Variants in DPP6 observed in about 807,000 individuals in gnomAD.
DPP6 encodes the protein A-type potassium channel modulatory protein DPP6.
A neutral mutation model predicts 122.6 loss-of-function variants in DPP6; 69 were observed. The observed-to-expected ratio is 0.56, with a 90% confidence interval of 0.46 to 0.69. DPP6 has a LOEUF of 0.69. Ranked by LOEUF, DPP6 falls within the 30% of genes least tolerant of loss-of-function variation. The probability of loss-of-function intolerance (pLI) is 0.00; values close to 1 mark genes in which losing one functional copy is unlikely to be tolerated. For missense variants in DPP6, 928 were observed against 1,116.9 expected, an observed-to-expected ratio of 0.83 and a Z score of 2.41; for synonymous variants, 418 against 433.1, an observed-to-expected ratio of 0.97 and a Z score of 0.43.
intron 1 of DPP6, among the ~76,000 whole-genome samples, chr7:154,435,402 G>A (rs375070989): frequency 6.6e-6 from 1 of 152,110 alleles, no homozygotes; most frequent in Non-Finnish European, 1.5e-5. Context: ...TGACCTCATC[G>A]GATCCTCTTT....
At chr7:153,993,233 GT>G (rs1407401167) in intron 1 of DPP6, among the ~76,000 whole-genome samples, 2 of 152,190 alleles carry the variant, frequency 1.3e-5, no homozygotes, top group African/African-American at 4.8e-5. Context: ...GGTTTCAAGA[GT>G]GCTGATGCAA....
intron 1 of DPP6, among the ~76,000 whole-genome samples, chr7:154,273,554 TG>T (rs550781183): frequency 8.9e-4 from 136 of 152,322 alleles, no homozygotes; most frequent in African/African-American, 2.9e-3. Flanking sequence ...TTATTTTCTG[TG>T]TAACAATGCA....
intron 1 of DPP6, among the ~76,000 whole-genome samples, chr7:154,078,362 A>C (rs1462943723): frequency 6.8e-6 from 1 of 147,202 alleles, no homozygotes; most frequent in Non-Finnish European, 1.5e-5. Flanking sequence ...ACACACACAC[A>C]CACACACACA....
chr7:154,305,888 G>T (rs929379761), intron 1 of DPP6, among the ~76,000 whole-genome samples: 1 of 152,080 alleles, frequency 6.6e-6, no homozygotes, highest in Non-Finnish European at 1.5e-5. Flanking sequence ...CTACAGAGCC[G>T]CCAGATCTAA....
intron 1 of DPP6, among the ~76,000 whole-genome samples, chr7:154,071,951 A>T (rs1045409507): frequency 6.6e-6 from 1 of 152,202 alleles, no homozygotes; most frequent in Non-Finnish European, 1.5e-5. Flanking sequence ...AAACAAATAC[A>T]ATCCCCCTAG....
intron 6 of DPP6, among the ~76,000 whole-genome samples, chr7:154,639,244 A>T (rs1388295414): frequency 1.3e-5 from 2 of 152,246 alleles, no homozygotes; most frequent in African/African-American, 4.8e-5. Context: ...AGTTTCTGTT[A>T]GATTATTAGA....
At chr7:154,783,334 G>T (rs536518985) in intron 10 of DPP6, among the ~76,000 whole-genome samples, 1 of 152,084 alleles carries the variant, frequency 6.6e-6, no homozygotes, top group Non-Finnish European at 1.5e-5. Context: ...GTCTTCTCTC[G>T]TCTCTGCCCG....
At position 154,368,187 on chromosome 7, in the gene DPP6, C is replaced by T. The variant is rs539245873; in HGVS notation, c.244-78027C>T. Among the ~76,000 whole-genome samples the T allele has an allele frequency of 1.7e-3, 262 of 152,148 alleles. 1 individual carries two copies. Among genetic ancestry groups the T allele is most frequent in the Non-Finnish European group, 1.1e-3 (77 of 68,032 alleles). ...GTTGTTTAGAATAATAACCTTATAG[C>T]GTAAACCACAAACATGAAGTCAGCC... On this transcript the variant is annotated intron_variant, in intron 1 of 25. Coordinates refer to ENST00000377770, the MANE Select transcript of DPP6 (RefSeq NM_130797.4).
At chr7:154,585,990 C>G (rs78806325) in intron 5 of DPP6, among the ~76,000 whole-genome samples, 23 of 151,904 alleles carry the variant, frequency 1.5e-4, no homozygotes, top group Non-Finnish European at 3.1e-4. Flanking sequence ...AAAGAACCCC[C>G]TAAGTGCAGG....
chr7:154,621,373 A>G (rs993183653), intron 5 of DPP6, among the ~76,000 whole-genome samples: 7 of 151,964 alleles, frequency 4.6e-5, no homozygotes, highest in Non-Finnish European at 1.0e-4. Context: ...TTGTTTATTT[A>G]CTTATTTATT....
chr7:154,554,322 T>G (rs1354819834), intron 4 of DPP6, among the ~76,000 whole-genome samples: 1 of 152,178 alleles, frequency 6.6e-6, no homozygotes, highest in Non-Finnish European at 1.5e-5. Flanking sequence ...GTATTTGTCT[T>G]TTGTTGATCA....
chr7:154,499,718 T>A (rs1178543056), intron 3 of DPP6, among the ~76,000 whole-genome samples: 1 of 152,054 alleles, frequency 6.6e-6, no homozygotes, highest in Non-Finnish European at 1.5e-5. Flanking sequence ...TCATAGTGAA[T>A]CTCTGTTTCC....
rs189916308 is a variant in DPP6, at chr7:154,406,144, G to A, written c.244-40070G>A. ...CTCATGGAGAAGATTCTTGTCAAATGTCATGTATTATTAGTATAGGTAGTC... is the reference window on the plus strand; with the variant it reads ...CTCATGGAGAAGATTCTTGTCAAATATCATGTATTATTAGTATAGGTAGTC... On this transcript the variant is annotated intron_variant, in intron 1 of 25. Coordinates refer to ENST00000377770, the MANE Select transcript of DPP6 (RefSeq NM_130797.4). Among the ~76,000 whole-genome samples the A allele has an allele frequency of 2.0e-5, 3 of 152,276 alleles. No individual in the cohort carries two copies. In the East Asian group the frequency reaches 5.8e-4, roughly 29 times the overall value.
intron 1 of DPP6, among the ~76,000 whole-genome samples, chr7:154,324,192 G>A (rs983899244): frequency 6.6e-6 from 1 of 152,192 alleles, no homozygotes; most frequent in African/African-American, 2.4e-5. Flanking sequence ...AACTTGCCTA[G>A]TACTTCCTGT....
At chr7:154,007,419 G>C (rs1324916993) in intron 1 of DPP6, among the ~76,000 whole-genome samples, 2 of 152,108 alleles carry the variant, frequency 1.3e-5, no homozygotes, top group Non-Finnish European at 2.9e-5. Context: ...CTGAGAAGCT[G>C]CTCTGCTTGG....
intron 3 of DPP6, among the ~76,000 whole-genome samples, chr7:154,476,439 A>G (rs1184875833): frequency 6.6e-6 from 1 of 152,240 alleles, no homozygotes; most frequent in Non-Finnish European, 1.5e-5. Flanking sequence ...CAGCAAATGC[A>G]AGCACTTGTG....
At chr7:154,322,754 T>C (rs1400281838) in intron 1 of DPP6, among the ~76,000 whole-genome samples, 1 of 152,204 alleles carries the variant, frequency 6.6e-6, no homozygotes, top group Non-Finnish European at 1.5e-5. Flanking sequence ...AGAAGTGTCA[T>C]ATCCTGAGAG....
At chr7:154,248,722 C>T (rs1043879577) in intron 1 of DPP6, among the ~76,000 whole-genome samples, 4 of 151,950 alleles carry the variant, frequency 2.6e-5, no homozygotes, top group Admixed American at 6.6e-5. Context: ...AAAAGCTAGC[C>T]GGATGTGGTG....
intron 3 of DPP6, among the ~76,000 whole-genome samples, chr7:154,526,493 A>G (rs1322314177): frequency 6.6e-6 from 1 of 152,208 alleles, no homozygotes; most frequent in Non-Finnish European, 1.5e-5. Flanking sequence ...CCCACCAGCT[A>G]TATGTGGTTA....
Sources: allele counts gnomAD v4.1 joint callset (sites outside exome capture counted in the v4.1 genomes callset), GRCh38; gene constraint gnomAD v4.1.1; transcripts MANE v1.5; gene names NCBI Gene and HGNC (gene_info 2026-07-23, HGNC 2026-07-21).